DNAJC27: variants seen among roughly 807,000 people sequenced by gnomAD.
DNAJC27 encodes the protein dnaJ homolog subfamily C member 27.
In DNAJC27, 25 loss-of-function variants were observed where a neutral mutation model predicts 31.4. The ratio of observed to expected loss-of-function variants is 0.80; its 90% confidence interval spans 0.58 to 1.11. The LOEUF (loss-of-function observed/expected upper bound fraction) is 1.11, where lower values mean the gene tolerates loss of function less well. DNAJC27 is among the 50% of genes most tolerant of loss of function. The pLI is 0.00. For synonymous variants in DNAJC27, 106 were observed against 112.7 expected, an observed-to-expected ratio of 0.94 and a Z score of 0.37; for missense variants, 356 against 347.3, an observed-to-expected ratio of 1.02 and a Z score of -0.20.
intron 5 of DNAJC27, among the ~76,000 whole-genome samples, chr2:24,955,826 GACAAATCACTTT>G (rs1347076141): frequency 2.0e-5 from 3 of 152,190 alleles, no homozygotes; most frequent in Non-Finnish European, 4.4e-5. Flanking sequence ...ATGTCCCTTG[GACAAATCACTTT>G]ACTACCCTTA....
chr2:24,954,896 A>C (rs1157062135), intron 5 of DNAJC27, among the ~76,000 whole-genome samples: 1 of 152,226 alleles, frequency 6.6e-6, no homozygotes, highest in Non-Finnish European at 1.5e-5. Context: ...AGATTGCGCC[A>C]CTGCACTCCA....
At position 24,967,208 on chromosome 2, in the gene DNAJC27, T is replaced by C; in HGVS notation, c.170+3A>G. On this transcript the variant is annotated splice_donor_region_variant and intron_variant, in intron 2 of 6. Coordinates refer to ENST00000264711, the MANE Select transcript of DNAJC27 (RefSeq NM_016544.3). Reference sequence around the variant, plus strand: ...TACAAACCCAGGGAAACAATATACTTACTTTGTGACTCCATAGTCAATTCC... The same window carrying C: ...TACAAACCCAGGGAAACAATATACTCACTTTGTGACTCCATAGTCAATTCC... The C allele has an allele frequency of 6.2e-7, 1 of 1,610,348 alleles. No individual in the cohort carries two copies. Among genetic ancestry groups the C allele is most frequent in the Non-Finnish European group, 8.5e-7 (1 of 1,176,812 alleles).
rs376043877 is a variant in DNAJC27 at position 24,947,784 on chromosome 2, A to T, written c.690-36T>A. On this transcript the variant is annotated intron_variant, in intron 6 of 6. Transcript: ENST00000264711. Reference sequence around the variant, plus strand: ...AAGCCAAGATCTATGTTAGTAACAGAGTCAGCCCAACCCACTGCATGTTAG... The same window carrying T: ...AAGCCAAGATCTATGTTAGTAACAGTGTCAGCCCAACCCACTGCATGTTAG... 1.8e-5 allele frequency: 28 copies of T among 1,597,668 alleles called. No homozygotes were observed. The African/African-American group carries it at 2.0e-4, about 11-fold the overall frequency.
chr2:24,967,706 A>G (rs1333408431), intron 1 of DNAJC27, among the ~76,000 whole-genome samples: 1 of 150,630 alleles, frequency 6.6e-6, no homozygotes, highest in East Asian at 2.0e-4. Flanking sequence ...TGTCTAAAAA[A>G]AAAAAAAAGA....
chr2:24,963,310 CAT>C (rs1364987836), intron 3 of DNAJC27, 93 bp downstream of exon 3: 20 of 952,190 alleles, frequency 2.1e-5, no homozygotes, highest in South Asian at 3.5e-5. Context: ...CAATTTTACA[CAT>C]GATATCAATA....
intron 1 of DNAJC27, among the ~76,000 whole-genome samples, chr2:24,970,459 A>C (rs911960429): frequency 7.0e-6 from 1 of 141,904 alleles, no homozygotes; most frequent in African/African-American, 2.6e-5. Context: ...CAGTAAAATT[A>C]CTTTTTTTTT....
chr2:24,969,958 T>C (rs1331135801), intron 1 of DNAJC27, among the ~76,000 whole-genome samples: 1 of 152,230 alleles, frequency 6.6e-6, no homozygotes, highest in Non-Finnish European at 1.5e-5. Context: ...CATTTGTAGG[T>C]TGAGTAATTC....
intron 3 of DNAJC27, among the ~76,000 whole-genome samples, chr2:24,962,033 T>C (rs900551457): frequency 1.3e-5 from 2 of 152,194 alleles, no homozygotes; most frequent in Non-Finnish European, 2.9e-5. Flanking sequence ...AGTCAATCAA[T>C]GTGCCAAACT....
intron 1 of DNAJC27, 64 bp from the exon 2 acceptor site, chr2:24,967,357 T>C (rs1666214742): frequency 8.6e-7 from 1 of 1,163,544 alleles, no homozygotes; most frequent in African/African-American, 1.6e-5. Flanking sequence ...AGAATAAGTA[T>C]ATTTCTTCAT....
chr2:24,954,931 G>A (rs779664439), intron 5 of DNAJC27, among the ~76,000 whole-genome samples: 20 of 151,910 alleles, frequency 1.3e-4, no homozygotes, highest in Non-Finnish European at 2.2e-4. Flanking sequence ...GCCAGACTCC[G>A]TCTCAAAAAA....
rs1665641066 is a variant in DNAJC27 at position 24,946,030 on chromosome 2, TG to T, written c.*1585del. 6.6e-6 allele frequency: 1 copy of T among 152,208 alleles called. No individual in the cohort carries two copies. Among genetic ancestry groups the T allele is most frequent in the African/African-American group, 2.4e-5 (1 of 41,458 alleles). The allele number at this position is 152,208 out of a possible 1,614,324, so 9.4% of individuals were successfully genotyped here. On this transcript the variant is annotated 3_prime_UTR_variant, in exon 7 of 7. Transcript: ENST00000264711. ...AGCTAATTGAAAGTATATAAAAATGTGAATTAGTGTGGTTGCAGCTAAAAGT... is the reference window on the plus strand; with the variant it reads ...AGCTAATTGAAAGTATATAAAAATGTAATTAGTGTGGTTGCAGCTAAAAGT...
rs35902856 is a variant in DNAJC27, at chr2:24,967,954, C to CT, written c.88-662dup. On this transcript the variant is annotated intron_variant, in intron 1 of 6. Coordinates refer to ENST00000264711, the MANE Select transcript of DNAJC27 (RefSeq NM_016544.3). ...CTCTAAATATCTATTAGATTAATTC[C>CT]TTTTTTTTTTTTTTTTTGAGCCTAG... 9.0e-3 allele frequency among the ~76,000 whole-genome samples: 1,220 copies of CT among 135,628 alleles called. 17 individuals are homozygous for CT. Among genetic ancestry groups the CT allele is most frequent in the African/African-American group, 0.024 (892 of 36,742 alleles). 89.0% of individuals were successfully genotyped at this position (135,628 alleles called of 152,430 possible).
At chr2:24,958,391 C>T (rs1487253991) in intron 3 of DNAJC27, among the ~76,000 whole-genome samples, 1 of 152,174 alleles carries the variant, frequency 6.6e-6, no homozygotes, top group East Asian at 1.9e-4. Flanking sequence ...TAAATCACAT[C>T]CCAAAGCTGG....
rs751791811 is a variant in DNAJC27 at position 24,971,917 on chromosome 2, C to T, written c.-13G>A. On this transcript the variant is annotated 5_prime_UTR_variant, in exon 1 of 7. Coordinates refer to ENST00000264711, the MANE Select transcript of DNAJC27 (RefSeq NM_016544.3). ...TGTTGGCCTCCATGGCCCTGGCTCT[C>T]TCGGGGCCACCCGCCTCGGTCTCTT... 14 of 1,564,852 alleles carry T rather than the reference C, an allele frequency of 8.9e-6. No homozygotes were observed. In the Admixed American group the frequency reaches 2.6e-4, roughly 29 times the overall value.
chr2:24,958,647 T>A (rs1489269530), intron 3 of DNAJC27: 1 of 285,080 alleles, frequency 3.5e-6, no homozygotes, highest in Non-Finnish European at 7.4e-6. Flanking sequence ...GTTATTATGA[T>A]GGTTAAATGA....
intron 5 of DNAJC27, among the ~76,000 whole-genome samples, chr2:24,954,155 T>C (rs975239106): frequency 5.9e-5 from 9 of 152,082 alleles, no homozygotes; most frequent in Non-Finnish European, 1.0e-4. Context: ...ACCAAGTCCA[T>C]ATGGGGGTCT....
chr2:24,967,039 T>C (rs1054451644), intron 2 of DNAJC27, among the ~76,000 whole-genome samples, 172 bp downstream of exon 2: 2 of 152,250 alleles, frequency 1.3e-5, no homozygotes, highest in African/African-American at 2.4e-5. Flanking sequence ...GCTGAATGAA[T>C]GATATGATCA....
At chr2:24,966,619 C>T (rs1472205776) in intron 2 of DNAJC27, among the ~76,000 whole-genome samples, 5 of 152,080 alleles carry the variant, frequency 3.3e-5, no homozygotes, top group Admixed American at 6.6e-5. Context: ...CCACCACACC[C>T]GGCTAATTTT....
intron 6 of DNAJC27, among the ~76,000 whole-genome samples, chr2:24,948,842 C>A (rs1050865843): frequency 1.3e-5 from 2 of 152,218 alleles, no homozygotes; most frequent in Admixed American, 1.3e-4. Context: ...TTCCCACCTT[C>A]CTTTTCTAAT....
Sources: gnomAD v4.1 joint callset for allele counts (sites outside exome capture counted in the v4.1 genomes callset) on GRCh38, gnomAD v4.1.1 for gene constraint, MANE v1.5 for transcripts, NCBI Gene and HGNC (gene_info 2026-07-23, HGNC 2026-07-21) for gene names.